TTC28: variants seen among roughly 807,000 people sequenced by gnomAD.
TTC28 encodes the protein tetratricopeptide repeat protein 28.
A neutral mutation model predicts 198.0 loss-of-function variants in TTC28; 61 were observed. The observed-to-expected ratio is 0.31, with a 90% CI of 0.25 to 0.38. The LOEUF (loss-of-function observed/expected upper bound fraction) is 0.38. Among genes scored for constraint, TTC28 ranks in the 10% least tolerant of loss-of-function variants. TTC28 has a pLI of 1.00. For synonymous variants in TTC28, 1,171 were observed against 1,297.8 expected (o/e 0.90, Z 2.10); for missense variants, 2,678 against 3,164.0 (o/e 0.85, Z 3.69).
rs139272588 is a variant in TTC28 at position 28,555,317 on chromosome 22, G to A, written c.381+74235C>T. On this transcript the variant is annotated intron_variant, in intron 2 of 22. Transcript: ENST00000397906. ...TTAAACAACTAAAAGTAGATCTACC[G>A]TTTGATCCAGCAATCCCATTACTAG... Among the ~76,000 whole-genome samples the A allele has an allele frequency of 6.0e-3, 907 of 152,274 alleles. 6 individuals carry two copies. Among genetic ancestry groups the A allele is most frequent in the Non-Finnish European group, 9.9e-3 (670 of 68,014 alleles).
intron 12 of TTC28, among the ~76,000 whole-genome samples, chr22:28,070,413 A>T (rs999516167): frequency 6.6e-6 from 1 of 152,258 alleles, no homozygotes; most frequent in African/African-American, 2.4e-5. Flanking sequence ...AAGCCTAACA[A>T]ATAGATTTTT....
At position 28,107,912 on chromosome 22, in the gene TTC28, A is replaced by G; in HGVS notation, c.1933T>C (p.Tyr645His). 6.4e-7 allele frequency: 1 copy of G among 1,551,750 alleles called. No homozygotes were observed. Among genetic ancestry groups the G allele is most frequent in the Admixed American group, 2.0e-5 (1 of 50,992 alleles). Residue 645 changes from tyrosine to histidine, a missense_variant, in exon 7 of 23, where the codon TAC becomes CAC. Physicochemically the swap from Tyr to His is moderately conservative, Grantham distance 83 (BLOSUM62 2). This residue lies in a region of TTC28 where 775 missense variants were observed against 845.9 expected (regional missense o/e 0.92). Coordinates refer to ENST00000397906, the MANE Select transcript of TTC28 (RefSeq NM_001145418.2). ...GCCTCCTGATAGTTTCCAAGGCAGTAATGGGCATAGCCAAGATTGTGGCAG... is the reference window on the plus strand; with the variant it reads ...GCCTCCTGATAGTTTCCAAGGCAGTGATGGGCATAGCCAAGATTGTGGCAG... ...KVCHNLGYAH[Y>H]CLGNYQEAVK... is the part of the protein sequence containing the mutation.
chr22:28,488,973 C>T (rs1241437997), intron 2 of TTC28, among the ~76,000 whole-genome samples: 1 of 152,104 alleles, frequency 6.6e-6, no homozygotes, highest in Admixed American at 6.6e-5. Context: ...AGCAATATAT[C>T]ATCCATCAAT....
intron 2 of TTC28, among the ~76,000 whole-genome samples, chr22:28,354,264 T>C (rs2046041894): frequency 6.6e-6 from 1 of 152,056 alleles, no homozygotes; most frequent in Non-Finnish European, 1.5e-5. Context: ...AGCCAGCAGG[T>C]AGAAACAACC....
At chr22:28,360,857 G>A (rs1233836623) in intron 2 of TTC28, among the ~76,000 whole-genome samples, 2 of 152,006 alleles carry the variant, frequency 1.3e-5, no homozygotes, top group African/African-American at 2.4e-5. Flanking sequence ...GTCACATTTT[G>A]GTAATTCTCA....
At chr22:28,024,547 C>T (rs549621806) in intron 13 of TTC28, among the ~76,000 whole-genome samples, 5 of 152,334 alleles carry the variant, frequency 3.3e-5, no homozygotes, top group Admixed American at 2.0e-4. Flanking sequence ...AACAAAACTG[C>T]GCCCCAGCCA....
At chr22:28,209,840 C>A (rs1926753768) in intron 5 of TTC28, among the ~76,000 whole-genome samples, 1 of 152,198 alleles carries the variant, frequency 6.6e-6, no homozygotes, top group Admixed American at 6.5e-5. Flanking sequence ...ACTGCCTCCT[C>A]AAGTGGGTTC....
chr22:28,163,294 G>C lies in TTC28; in HGVS notation c.1239C>G (p.Ala413=). The C allele has an allele frequency of 6.4e-7, 1 of 1,551,976 alleles. No homozygotes were observed. Among genetic ancestry groups the C allele is most frequent in the Non-Finnish European group, 8.7e-7 (1 of 1,147,064 alleles). Residue 413 remains alanine (A), a synonymous_variant, in exon 6 of 23, where the codon GCC becomes GCG. Coordinates refer to ENST00000397906, the MANE Select transcript of TTC28 (RefSeq NM_001145418.2). ...CCAGGACATAGTTATGGTAAGACAT[G>C]GCCTTGTCAAAGTTCCTCCGGTAGT... ...AYHYRRNFDK[A]MSYHNYVLEL... is the part of the protein sequence containing the mutation.
chr22:28,623,637 C>T (rs1454150084), intron 2 of TTC28, among the ~76,000 whole-genome samples: 5 of 152,076 alleles, frequency 3.3e-5, no homozygotes, highest in African/African-American at 9.7e-5. Flanking sequence ...GGATAAACCA[C>T]ATGCAAGGCC....
chr22:28,261,044 G>A (rs1174382991), intron 5 of TTC28, among the ~76,000 whole-genome samples: 1 of 152,044 alleles, frequency 6.6e-6, no homozygotes, highest in African/African-American at 2.4e-5. Context: ...CTGTCCCACT[G>A]CCTGGCCCAC....
intron 1 of TTC28, among the ~76,000 whole-genome samples, chr22:28,677,125 C>T (rs1179703078): frequency 7.6e-6 from 1 of 131,992 alleles, no homozygotes; most frequent in East Asian, 2.1e-4. Flanking sequence ...CATTGCACTC[C>T]AGCCTGGGTG....
rs1352482580 is a variant in TTC28 at position 28,487,304 on chromosome 22, TAC to T, written c.381+142246_381+142247del. ...GATATTATAAAAATATCATAAAGAA[TAC>T]ATTTTTAAAAATCCCTGGAAATCTT... On this transcript the variant is annotated intron_variant, in intron 2 of 22. Transcript: ENST00000397906. Among the ~76,000 whole-genome samples the T allele has an allele frequency of 9.9e-5, 15 of 152,060 alleles. No homozygotes were observed. In the East Asian group the frequency reaches 2.9e-3, roughly 29 times the overall value.
chr22:28,318,156 T>C (rs1017258555), intron 2 of TTC28, among the ~76,000 whole-genome samples: 3 of 151,642 alleles, frequency 2.0e-5, no homozygotes, highest in African/African-American at 7.3e-5. Context: ...GTGATCCTCC[T>C]GCCTCGGCCT....
At chr22:28,026,824 T>A (rs950133655) in intron 13 of TTC28, among the ~76,000 whole-genome samples, 1 of 152,208 alleles carries the variant, frequency 6.6e-6, no homozygotes, top group South Asian at 2.1e-4. Flanking sequence ...CCTCTCCACA[T>A]TGTGTCACAC....
chr22:28,065,862 G>A (rs1304200101), intron 12 of TTC28, among the ~76,000 whole-genome samples: 13 of 152,184 alleles, frequency 8.5e-5, no homozygotes, highest in African/African-American at 2.9e-4. Context: ...CTAAAACCTT[G>A]TCTCCCTGAA....
chr22:28,136,359 C>G (rs1943199711), intron 6 of TTC28, among the ~76,000 whole-genome samples: 2 of 152,084 alleles, frequency 1.3e-5, no homozygotes, highest in South Asian at 4.2e-4. Flanking sequence ...GTTGCCTAGG[C>G]TGGTCTCAAA....
intron 5 of TTC28, among the ~76,000 whole-genome samples, chr22:28,213,921 C>T (rs935773233): frequency 1.3e-5 from 2 of 152,078 alleles, no homozygotes; most frequent in African/African-American, 4.8e-5. Context: ...GATACTGGTA[C>T]CAAAACAGAG....
At chr22:28,131,078 A>G (rs547900162) in intron 6 of TTC28, among the ~76,000 whole-genome samples, 1 of 152,240 alleles carries the variant, frequency 6.6e-6, no homozygotes, top group Non-Finnish European at 1.5e-5. Flanking sequence ...GATGCCTACT[A>G]TGGAAGCATG....
At chr22:28,315,144 G>C (rs1337497128) in intron 2 of TTC28, among the ~76,000 whole-genome samples, 1 of 152,110 alleles carries the variant, frequency 6.6e-6, no homozygotes, top group Admixed American at 6.5e-5. Flanking sequence ...TAGAGAACCA[G>C]AGACCGAGTT....
Sources: gnomAD v4.1 joint callset for allele counts (sites outside exome capture counted in the v4.1 genomes callset) on GRCh38, gnomAD v4.1.1 for gene constraint, gnomAD v4.1.1 regional missense constraint, MANE v1.5 for transcripts, NCBI Gene and HGNC (gene_info 2026-07-23, HGNC 2026-07-21) for gene names.